The following MTA1 variants were observed in gnomAD, a reference collection of about 807,000 sequenced individuals.
MTA1 encodes the protein metastasis associated 1, also known as metastasis-associated protein MTA1.
A neutral mutation model predicts 97.0 loss-of-function variants in MTA1; 15 were observed. That is an observed-to-expected ratio of 0.15 (90% CI 0.10 to 0.24). The LOEUF is 0.24. Among genes scored for constraint, MTA1 ranks in the 10% least tolerant of loss-of-function variants. The probability of loss-of-function intolerance (pLI) is 1.00; values close to 1 mark genes in which losing one functional copy is unlikely to be tolerated. For missense variants in MTA1, 709 were observed against 1,015.1 expected, an observed-to-expected ratio of 0.70 and a Z score of 4.10; for synonymous variants, 435 against 417.5, an observed-to-expected ratio of 1.04 and a Z score of -0.51.
At chr14:105,430,387 ATTAAG>A (rs1232255886) in intron 1 of MTA1, among the ~76,000 whole-genome samples, 52 of 152,276 alleles carry the variant, frequency 3.4e-4, no homozygotes, top group African/African-American at 1.2e-3. Flanking sequence ...ACATTTATCA[ATTAAG>A]TTCTTAGTTG....
Position 105,424,599 on chromosome 14 carries a change from G to C in MTA1, c.28+4536G>C, listed in dbSNP as rs587609213. Among the ~76,000 whole-genome samples the C allele has an allele frequency of 7.9e-5, 12 of 151,796 alleles. No individual in the cohort carries two copies. The highest frequency in any genetic ancestry group is 2.9e-4 in the African/African-American group (12 of 41,330). ...CAACCTCCGCCTCCTGGGTTCTAGT[G>C]ATTTGCCTGCCTCAGCCCCCTGAGT... is the stretch of plus-strand genomic sequence containing the variant. On this transcript the variant is annotated intron_variant, in intron 1 of 20. Transcript: ENST00000331320. The surrounding 1 kb of genome is among the most constrained non-coding windows in gnomAD (Gnocchi z 4.0).
intron 1 of MTA1, 148 bp from the exon 2 acceptor site, chr14:105,438,524 C>T (rs1200492092): frequency 9.7e-6 from 7 of 721,884 alleles, no homozygotes; most frequent in African/African-American, 7.0e-5. Context: ...GTGGGGGCTT[C>T]GCTTCCTCTG....
chr14:105,469,103 G>C (rs1555433637), intron 18 of MTA1: 2 of 498,426 alleles, frequency 4.0e-6, no homozygotes, highest in African/African-American at 3.9e-5. Flanking sequence ...CTGCAGAGGG[G>C]CTTGTGCCGC....
Position 105,460,962 on chromosome 14 carries a change from CGTGGGTGGCGATGGGGGA to C in MTA1, c.942+14_942+31del, listed in dbSNP as rs781848426. ...ACATTCAGCAAGATTTTGTGAGTAC[CGTGGGTGGCGATGGGGGA>C]GTGGCTGGCCATGCCCATCTCCAGG... On this transcript the variant is annotated intron_variant, in intron 10 of 20. Coordinates refer to ENST00000331320, the MANE Select transcript of MTA1 (RefSeq NM_004689.4). 4.4e-6 allele frequency: 7 copies of C among 1,603,216 alleles called. No homozygotes were observed. The highest frequency in any genetic ancestry group is 6.0e-6 in the Non-Finnish European group (7 of 1,174,648).
At position 105,465,296 on chromosome 14, in the gene MTA1, C is replaced by T. The variant is rs73362041; in HGVS notation, c.1624+113C>T. The T allele has an allele frequency of 7.0e-5, 66 of 943,866 alleles. No individual in the cohort carries two copies. The African/African-American group carries it at 8.1e-4, about 12-fold the overall frequency. The allele number at this position is 943,866 out of a possible 1,614,324, so 58.5% of individuals were successfully genotyped here. On this transcript the variant is annotated intron_variant, in intron 16 of 20. Coordinates refer to ENST00000331320, the MANE Select transcript of MTA1 (RefSeq NM_004689.4). Reference sequence around the variant, plus strand: ...TCTAGCTGGGAGCTCCTGGACAGCCCCCCAGGGCCTGGAACTGTCCTTTTG... The same window carrying T: ...TCTAGCTGGGAGCTCCTGGACAGCCTCCCAGGGCCTGGAACTGTCCTTTTG...
At position 105,422,911 on chromosome 14, in the gene MTA1, T is replaced by C. The variant is rs1455287927; in HGVS notation, c.28+2848T>C. ...GATGGCCTGGGCAAGGGTGGCGGGG[T>C]CAGGGTTCCCTGACCTCTGCTTCTC... On this transcript the variant is annotated intron_variant, in intron 1 of 20. Transcript: ENST00000331320. The surrounding 1 kb of genome is among the most constrained non-coding windows in gnomAD (Gnocchi z 4.3). Among the ~76,000 whole-genome samples, 3 of 151,770 alleles carry C rather than the reference T, an allele frequency of 2.0e-5. No homozygotes were observed. Among genetic ancestry groups the C allele is most frequent in the Admixed American group, 2.0e-4 (3 of 15,248 alleles).
chr14:105,439,379 C>G (rs1595311828), intron 2 of MTA1, among the ~76,000 whole-genome samples: 1 of 152,204 alleles, frequency 6.6e-6, no homozygotes, highest in East Asian at 1.9e-4. Flanking sequence ...ATGCATTGAG[C>G]CTGGCAGCAC....
At chr14:105,442,317 T>C (rs1394517479) in intron 2 of MTA1, among the ~76,000 whole-genome samples, 1 of 152,180 alleles carries the variant, frequency 6.6e-6, no homozygotes, top group Non-Finnish European at 1.5e-5. Context: ...ACTGAGGCCT[T>C]GGAGTGCACT....
chr14:105,423,215 A>ATTTTTTTTTTT (rs1166908446), intron 1 of MTA1, among the ~76,000 whole-genome samples: 2 of 113,580 alleles, frequency 1.8e-5, no homozygotes, highest in Non-Finnish European at 3.6e-5. Context: ...TTTTTGTTTA[A>ATTTTTTTTTTT]TTTTTTTTTT....
chr14:105,462,700 CTG>C (rs1286821114), intron 10 of MTA1, among the ~76,000 whole-genome samples: 6 of 151,886 alleles, frequency 4.0e-5, no homozygotes, highest in African/African-American at 1.5e-4. Flanking sequence ...GAAACCACGT[CTG>C]TACTAAAAAT....
chr14:105,434,748 G>A (rs141747123), intron 1 of MTA1, among the ~76,000 whole-genome samples: 1,899 of 152,160 alleles, frequency 0.012, 18 homozygotes, highest in African/African-American at 0.028. Flanking sequence ...TGATCCGCCC[G>A]CCTCAGCCTC....
chr14:105,469,495 C>G lies in MTA1; in HGVS notation c.1842C>G (p.His614Gln), dbSNP rs782624245. 1.9e-6 allele frequency: 3 copies of G among 1,612,782 alleles called. No individual in the cohort carries two copies. The Admixed American group carries it at 5.0e-5, about 27-fold the overall frequency. The stretch of plus-strand genomic sequence containing the variant: ...TGGCAAACCACGGACAGGCCAGGCA[C>G]ATGGTAAGAGGAACAACCCATGATG... ...RGLANHGQAR[H>Q]MGPSRNLLLN... Residue 614 changes from histidine to glutamine, a missense_variant, in exon 19 of 21, where the codon CAC (histidine) becomes CAG (glutamine). Physicochemically the swap from His to Gln is conservative, Grantham distance 24. This residue lies in a region of MTA1 where 388 missense variants were observed against 421.6 expected (regional missense o/e 0.92). Transcript: ENST00000331320.
At chr14:105,469,244 C>CCAATG in intron 18 of MTA1, 1 of 624,188 alleles carries the variant, frequency 1.6e-6, no homozygotes, top group South Asian at 1.8e-5. Context: ...GGAGCCCAAG[C>CCAATG]CAATGTGTCT....
Position 105,466,432 on chromosome 14 carries a change from AC to A in MTA1, c.1636del (p.Arg546AlafsTer8). On this transcript the variant is annotated frameshift_variant, in exon 17 of 21. Transcript: ENST00000331320. LOFTEE classifies it high-confidence loss of function. ...CCTGTGTCATTCCCGGCAGAGACCC[AC>A]CCCCGCCCCCCCAAGCCTGACCCCG... The part of the protein sequence containing the change: ...LEAVLRYLET[H>X]PRPPKPDPVK... The A allele has an allele frequency of 1.4e-6, 1 of 724,468 alleles. No individual in the cohort carries two copies. Among genetic ancestry groups the A allele is most frequent in the South Asian group, 1.5e-5 (1 of 68,236 alleles). 44.9% of individuals were successfully genotyped at this position (724,468 alleles called of 1,614,324 possible).
Position 105,463,094 on chromosome 14 carries a change from T to G in MTA1, c.943-90T>G. The G allele has an allele frequency of 7.6e-7, 1 of 1,310,098 alleles. No individual in the cohort carries two copies. Among genetic ancestry groups the G allele is most frequent in the South Asian group, 1.2e-5 (1 of 80,042 alleles). 81.2% of individuals were successfully genotyped at this position (1,310,098 alleles called of 1,614,324 possible). A position where few individuals can be genotyped will look rare whatever the true frequency, so the allele number is the denominator to read the frequency against. ...GCCCTCTGGCCTCCCGCCCCCTCTG[T>G]GGCCTTCTGGCCGCAGCCCTGCCCC... On this transcript the variant is annotated intron_variant, in intron 10 of 20. Transcript: ENST00000331320. The surrounding 1 kb of genome is among the most constrained non-coding windows in gnomAD (Gnocchi z 5.9).
intron 19 of MTA1, 168 bp downstream of exon 19, chr14:105,469,666 C>A: frequency 8.2e-7 from 1 of 1,212,150 alleles, no homozygotes; most frequent in Non-Finnish European, 1.2e-6. Flanking sequence ...TGTGCCAGGC[C>A]CAGCGGTGTG....
rs782586189 is a variant in MTA1, at chr14:105,463,450, TG to T, written c.1018-40del. The T allele has an allele frequency of 9.3e-6, 15 of 1,608,938 alleles. No homozygotes were observed. Among genetic ancestry groups the T allele is most frequent in the Non-Finnish European group, 1.2e-5 (14 of 1,176,380 alleles). Reference sequence around the variant, plus strand: ...GCCTGTCTGCACTGCAGCCCCAACCTGGGCCTAGCCTGCTGACCTCTGACCT... The same window carrying T: ...GCCTGTCTGCACTGCAGCCCCAACCTGGCCTAGCCTGCTGACCTCTGACCT... On this transcript the variant is annotated intron_variant, in intron 11 of 20. Transcript: ENST00000331320. The surrounding 1 kb of genome is among the most constrained non-coding windows in gnomAD (Gnocchi z 5.9).
chr14:105,445,834 C>A, intron 3 of MTA1: 1 of 418,866 alleles, frequency 2.4e-6, no homozygotes, highest in Non-Finnish European at 4.6e-6. Flanking sequence ...ATGATGACTT[C>A]TGGAGACTTT....
intron 1 of MTA1, among the ~76,000 whole-genome samples, chr14:105,433,612 C>A (rs2082246559): frequency 6.6e-6 from 1 of 152,096 alleles, no homozygotes; most frequent in Non-Finnish European, 1.5e-5. Context: ...CTTAGAGCCA[C>A]GCACCTGGGG....
Sources: allele counts gnomAD v4.1 joint callset (sites outside exome capture counted in the v4.1 genomes callset), GRCh38; gene constraint gnomAD v4.1.1; regional missense constraint gnomAD v4.1.1; non-coding constraint Gnocchi (gnomAD v3.1); transcripts MANE v1.5; gene names NCBI Gene and HGNC (gene_info 2026-07-23, HGNC 2026-07-21).